Variants in GRM5 observed in about 807,000 individuals in gnomAD.
GRM5 encodes the protein metabotropic glutamate receptor 5.
A neutral mutation model predicts 83.1 loss-of-function variants in GRM5; 19 were observed. That is an observed-to-expected ratio of 0.23 (90% CI 0.16 to 0.34). GRM5 has a LOEUF of 0.34. Ranked by LOEUF, GRM5 falls within the 10% of genes least tolerant of loss-of-function variation. GRM5 has a pLI of 1.00. For synonymous variants in GRM5, 675 were observed against 633.6 expected (o/e 1.07, Z -0.98); for missense variants, 1,160 against 1,588.3 (o/e 0.73, Z 4.58).
intron 8 of GRM5, among the ~76,000 whole-genome samples, chr11:88,532,524 A>G (rs982163543): frequency 6.6e-6 from 1 of 152,202 alleles, no homozygotes; most frequent in African/African-American, 2.4e-5. Context: ...GAGCATAAAC[A>G]TGGAAGTGCA....
chr11:88,777,745 G>C (rs1483842524), intron 3 of GRM5, among the ~76,000 whole-genome samples: 2 of 152,186 alleles, frequency 1.3e-5, no homozygotes, highest in East Asian at 3.9e-4. Context: ...TACCCCATTT[G>C]CCTGGGTATC....
At chr11:88,653,728 C>CA (rs1156347498) in intron 3 of GRM5, among the ~76,000 whole-genome samples, 9 of 152,004 alleles carry the variant, frequency 5.9e-5, no homozygotes, top group African/African-American at 1.9e-4. Flanking sequence ...TCATCATTCA[C>CA]ATTTTTAATG....
intron 3 of GRM5, among the ~76,000 whole-genome samples, chr11:88,740,298 G>A (rs1202156631): frequency 6.6e-6 from 1 of 151,866 alleles, no homozygotes; most frequent in African/African-American, 2.4e-5. Flanking sequence ...CTGCCATGGG[G>A]AATAATAGCT....
chr11:88,807,090 C>A (rs1193770838), intron 3 of GRM5, among the ~76,000 whole-genome samples: 2 of 152,164 alleles, frequency 1.3e-5, no homozygotes, highest in African/African-American at 4.8e-5. Context: ...GGATTTCTCA[C>A]TGGACTCTAC....
chr11:88,634,997 G>A (rs1939079331), intron 4 of GRM5, among the ~76,000 whole-genome samples: 1 of 152,178 alleles, frequency 6.6e-6, no homozygotes, highest in African/African-American at 2.4e-5. Flanking sequence ...ACGTTGCAAG[G>A]TGTAGACTGA....
intron 3 of GRM5, among the ~76,000 whole-genome samples, chr11:88,773,712 C>A (rs533913315): frequency 6.6e-6 from 1 of 152,228 alleles, no homozygotes; most frequent in African/African-American, 2.4e-5. Flanking sequence ...ATAGGGAATC[C>A]TTTCCCCATT....
At chr11:88,838,010 G>A (rs1944123410) in intron 3 of GRM5, among the ~76,000 whole-genome samples, 3 of 147,848 alleles carry the variant, frequency 2.0e-5, no homozygotes, top group Middle Eastern at 3.3e-3. Context: ...TCGTGAACCC[G>A]GGAGGCGGAG....
intron 2 of GRM5, among the ~76,000 whole-genome samples, chr11:89,010,610 A>G (rs1248362107): frequency 1.3e-5 from 2 of 151,800 alleles, no homozygotes; most frequent in Non-Finnish European, 2.9e-5. Flanking sequence ...TGTTTATGCC[A>G]ATTAAAATTA....
chr11:89,050,315 C>T (rs761892729), intron 1 of GRM5, among the ~76,000 whole-genome samples: 1 of 152,098 alleles, frequency 6.6e-6, no homozygotes, highest in Admixed American at 6.5e-5. Flanking sequence ...CTAACATGCC[C>T]CATCTATTCA....
At chr11:88,572,216 G>A (rs1943018879) in intron 7 of GRM5, among the ~76,000 whole-genome samples, 1 of 152,154 alleles carries the variant, frequency 6.6e-6, no homozygotes, top group Non-Finnish European at 1.5e-5. Context: ...GAAAATAAGA[G>A]ACATGGAAAT....
At chr11:88,781,581 A>G (rs1415669108) in intron 3 of GRM5, among the ~76,000 whole-genome samples, 1 of 152,118 alleles carries the variant, frequency 6.6e-6, no homozygotes, top group East Asian at 1.9e-4. Flanking sequence ...CAGTCATCAT[A>G]AATACATTTG....
At chr11:88,922,319 C>T (rs1945707247) in intron 2 of GRM5, among the ~76,000 whole-genome samples, 2 of 152,074 alleles carry the variant, frequency 1.3e-5, no homozygotes, top group Admixed American at 1.3e-4. Context: ...AATGACATTA[C>T]CTCCAGTTAT....
At chr11:88,591,818 G>A (rs1214823315) in intron 6 of GRM5, among the ~76,000 whole-genome samples, 1 of 152,152 alleles carries the variant, frequency 6.6e-6, no homozygotes, top group East Asian at 1.9e-4. Flanking sequence ...AATAAGTGAG[G>A]CAAAATTGCT....
rs1374991278 is a variant in GRM5, at chr11:89,061,197, C to T, written c.-201+4579G>A. The stretch of plus-strand genomic sequence containing the variant: ...TAAAAGTACCTCACATGTACGTATA[C>T]ATAATACAATAAGAATGTGTAAGAT... On this transcript the variant is annotated intron_variant, in intron 1 of 9. Coordinates refer to ENST00000305447, the MANE Select transcript of GRM5 (RefSeq NM_001143831.3). Among the ~76,000 whole-genome samples the T allele has an allele frequency of 5.3e-5, 8 of 152,066 alleles. No homozygotes were observed. In the South Asian group the frequency reaches 1.4e-3, roughly 28 times the overall value.
intron 2 of GRM5, chr11:88,984,905 G>C: frequency 1.6e-6 from 1 of 633,840 alleles, no homozygotes; most frequent in South Asian, 1.8e-5. Context: ...ATTTTATGTT[G>C]TTATCAATGA....
chr11:88,995,207 C>A (rs1026039238), intron 2 of GRM5, among the ~76,000 whole-genome samples: 9 of 151,886 alleles, frequency 5.9e-5, no homozygotes, highest in African/African-American at 2.2e-4. Context: ...AATAAGAGAT[C>A]CAGCAAGAAT....
At chr11:88,952,216 T>C (rs1413116909) in intron 2 of GRM5, among the ~76,000 whole-genome samples, 1 of 152,182 alleles carries the variant, frequency 6.6e-6, no homozygotes, top group Admixed American at 6.5e-5. Context: ...TTTCCTGGGA[T>C]ACCCAGTCTC....
At chr11:88,634,089 G>C (rs56065524) in intron 4 of GRM5, among the ~76,000 whole-genome samples, 7,115 of 152,206 alleles carry the variant, frequency 0.047, 185 homozygotes, top group Middle Eastern at 0.068. Flanking sequence ...AAGTACAGCA[G>C]AAGTGTGACA....
intron 1 of GRM5, among the ~76,000 whole-genome samples, chr11:89,052,260 T>C (rs1458056719): frequency 6.6e-6 from 1 of 152,086 alleles, no homozygotes; most frequent in Non-Finnish European, 1.5e-5. Context: ...ATATATAAAA[T>C]ATTTAGAATG....
Sources: gnomAD v4.1 joint callset for allele counts (sites outside exome capture counted in the v4.1 genomes callset) on GRCh38, gnomAD v4.1.1 for gene constraint, MANE v1.5 for transcripts, NCBI Gene and HGNC (gene_info 2026-07-23, HGNC 2026-07-21) for gene names.